PHF2: variants seen among roughly 807,000 people sequenced by gnomAD.
PHF2 encodes the protein PHD finger protein 2.
In PHF2, 27 loss-of-function variants were observed where a neutral mutation model predicts 120.5. The ratio of observed to expected loss-of-function variants is 0.22; its 90% confidence interval spans 0.17 to 0.31. The LOEUF is 0.31. Among genes scored for constraint, PHF2 ranks in the 10% least tolerant of loss-of-function variants. The probability of loss-of-function intolerance (pLI) is 1.00; values close to 1 mark genes in which losing one functional copy is unlikely to be tolerated. For missense variants in PHF2, 1,024 were observed against 1,434.8 expected (o/e 0.71, Z 4.63); for synonymous variants, 568 against 592.5 (o/e 0.96, Z 0.60).
intron 5 of PHF2, among the ~76,000 whole-genome samples, 162 bp downstream of exon 5, chr9:93,649,374 C>CTTTTTTCCT (rs1554797142): frequency 5.8e-4 from 61 of 105,812 alleles, no homozygotes; most frequent in Non-Finnish European, 7.7e-4. Context: ...AAATTTTTTC[C>CTTTTTTCCT]TTTTTTTTTT....
intron 2 of PHF2, among the ~76,000 whole-genome samples, chr9:93,633,239 T>C (rs1029731788): frequency 6.6e-6 from 1 of 152,170 alleles, no homozygotes; most frequent in Admixed American, 6.5e-5. Context: ...CGTTCCAATA[T>C]GTCCCTTGAG....
At chr9:93,582,048 G>T (rs562660145) in intron 1 of PHF2, among the ~76,000 whole-genome samples, 4 of 152,310 alleles carry the variant, frequency 2.6e-5, no homozygotes, top group East Asian at 3.9e-4. Context: ...TGCCATAGGG[G>T]TTTTTCATTC....
intron 1 of PHF2, among the ~76,000 whole-genome samples, chr9:93,614,078 C>T (rs1235575558): frequency 2.0e-5 from 3 of 152,236 alleles, no homozygotes; most frequent in African/African-American, 7.2e-5. Context: ...AGGCTGCCAA[C>T]GGGAGAGGCA....
rs1395879350 is a variant in PHF2 at position 93,650,402 on chromosome 9, TTAC to T, written c.602+1193_602+1195del. ...CCTAACACCCGCATCCCTGGCACAG[TTAC>T]TAACACCTGCACACACCCGTGTAGA... On this transcript the variant is annotated intron_variant, in intron 5 of 21. Coordinates refer to ENST00000359246, the MANE Select transcript of PHF2 (RefSeq NM_005392.4). Among the ~76,000 whole-genome samples the T allele has an allele frequency of 5.9e-5, 9 of 152,046 alleles. No homozygotes were observed. The South Asian group carries it at 1.9e-3, about 32-fold the overall frequency.
At chr9:93,602,931 G>A (rs1215914219) in intron 1 of PHF2, among the ~76,000 whole-genome samples, 1 of 152,138 alleles carries the variant, frequency 6.6e-6, no homozygotes, top group Non-Finnish European at 1.5e-5. Context: ...CCCGAGGCTG[G>A]GAGCCCTACC....
At chr9:93,647,255 C>T (rs988507808) in intron 4 of PHF2, among the ~76,000 whole-genome samples, 1 of 152,188 alleles carries the variant, frequency 6.6e-6, no homozygotes, top group South Asian at 2.1e-4. Context: ...GCTCTTCCCA[C>T]GTAGGAGCTA....
At chr9:93,654,133 T>C (rs1451535232) in intron 6 of PHF2, among the ~76,000 whole-genome samples, 1 of 152,214 alleles carries the variant, frequency 6.6e-6, no homozygotes, top group Non-Finnish European at 1.5e-5. Context: ...TGACAGTCAT[T>C]TGCAGCTTTA....
intron 1 of PHF2, among the ~76,000 whole-genome samples, chr9:93,613,847 T>A (rs1825678697): frequency 6.6e-6 from 1 of 152,206 alleles, no homozygotes; most frequent in South Asian, 2.1e-4. Flanking sequence ...GCACTGAGAT[T>A]ACAGGCATGA....
At chr9:93,580,915 A>G (rs1390821539) in intron 1 of PHF2, among the ~76,000 whole-genome samples, 3 of 152,152 alleles carry the variant, frequency 2.0e-5, no homozygotes, top group Admixed American at 1.3e-4. Context: ...CCCGTGTTGC[A>G]TGTTGCTGTG....
At chr9:93,594,929 T>A (rs766794989) in intron 1 of PHF2, 1 of 154,026 alleles carries the variant, frequency 6.5e-6, no homozygotes, top group Non-Finnish European at 1.5e-5. Context: ...TGTATCTTCA[T>A]TTGAAGAATG....
chr9:93,631,959 TTGC>T lies in PHF2; in HGVS notation c.184+1906_184+1908del, dbSNP rs1269321136. 2.5e-4 allele frequency among the ~76,000 whole-genome samples: 38 copies of T among 152,218 alleles called. No individual in the cohort carries two copies. The East Asian group carries it at 6.0e-3, about 24-fold the overall frequency. On this transcript the variant is annotated intron_variant, in intron 2 of 21. Coordinates refer to ENST00000359246, the MANE Select transcript of PHF2 (RefSeq NM_005392.4). Reference sequence around the variant, plus strand: ...AGTCAGCATACATTTCAAGGGGTCCTTGCTTGGGGGCTCTTGCATGAGTTGGGG... The same window carrying T: ...AGTCAGCATACATTTCAAGGGGTCCTTTGGGGGCTCTTGCATGAGTTGGGG...
intron 12 of PHF2, among the ~76,000 whole-genome samples, chr9:93,662,608 C>T (rs975141551): frequency 2.1e-5 from 3 of 144,750 alleles, no homozygotes; most frequent in East Asian, 2.1e-4. Flanking sequence ...GATGAATGAA[C>T]GAATGGGTGA....
At chr9:93,643,443 A>G (rs1821674894) in intron 3 of PHF2, among the ~76,000 whole-genome samples, 1 of 152,096 alleles carries the variant, frequency 6.6e-6, no homozygotes, top group Admixed American at 6.5e-5. Flanking sequence ...TTGCCTGTAC[A>G]CATTCTTTCT....
rs562593664 is a variant in PHF2 at position 93,660,124 on chromosome 9, G to C, written c.1330-68G>C. On this transcript the variant is annotated intron_variant, in intron 11 of 21. Transcript: ENST00000359246. ...GGCACTGAGTGTCTCCAGCATCCTGGTGTGTGGACCGTCTTGGGCCACAGT... is the reference window on the plus strand; with the variant it reads ...GGCACTGAGTGTCTCCAGCATCCTGCTGTGTGGACCGTCTTGGGCCACAGT... 3 of 1,456,318 alleles carry C rather than the reference G, an allele frequency of 2.1e-6. No homozygotes were observed. The Admixed American group carries it at 8.4e-5, about 41-fold the overall frequency. 90.2% of individuals were successfully genotyped at this position (1,456,318 alleles called of 1,614,324 possible). A position where few individuals can be genotyped will look rare whatever the true frequency, so the allele number is the denominator to read the frequency against.
At chr9:93,673,264 C>T (rs1363227487) in intron 17 of PHF2, among the ~76,000 whole-genome samples, 1 of 151,854 alleles carries the variant, frequency 6.6e-6, no homozygotes, top group Admixed American at 6.6e-5. Context: ...TGTGAGAGAC[C>T]AGTGCGTGAC....
chr9:93,653,419 C>T, intron 6 of PHF2, 54 bp downstream of exon 6: 2 of 1,570,908 alleles, frequency 1.3e-6, no homozygotes, highest in East Asian at 2.2e-5. Flanking sequence ...GACCCATCTG[C>T]AGGATTGTCT....
intron 1 of PHF2, among the ~76,000 whole-genome samples, chr9:93,621,201 GC>G (rs1451364889): frequency 6.6e-6 from 1 of 152,222 alleles, no homozygotes; most frequent in Non-Finnish European, 1.5e-5. Flanking sequence ...AGGAGGGGCA[GC>G]CCAGTGGTCA....
intron 1 of PHF2, among the ~76,000 whole-genome samples, chr9:93,598,714 A>G (rs1246396216): frequency 2.6e-5 from 4 of 151,958 alleles, no homozygotes; most frequent in African/African-American, 7.3e-5. Flanking sequence ...TACTTTGACC[A>G]TTTTTCCTCA....
At position 93,662,983 on chromosome 9, in the gene PHF2, G is replaced by A. The variant is rs752028225; in HGVS notation, c.1775G>A (p.Arg592Gln). Residue 592 changes from arginine (R) to glutamine (Q), a missense_variant, in exon 13 of 22, where the codon CGA becomes CAA. By Grantham distance (43) the Arg-to-Gln change is conservative (BLOSUM62 1). Around this residue, in one of 2 missense-constraint regions of PHF2, gnomAD observed 677 missense variants for 857.4 expected, o/e 0.79. Coordinates refer to ENST00000359246, the MANE Select transcript of PHF2 (RefSeq NM_005392.4). ...AATGATGTGGAGAGGCTGGAAATTC[G>A]AGAGCAAACCAAGAGCAAGTCAGAG... ...MQNDVERLEIREQTKSKSEAK... is the reference protein window; with the variant it reads ...MQNDVERLEIQEQTKSKSEAK... 8.7e-6 allele frequency: 14 copies of A among 1,613,996 alleles called. 1 individual carries two copies. The highest frequency in any genetic ancestry group is 6.7e-5 in the East Asian group (3 of 44,890).
Sources: gnomAD v4.1 joint callset for allele counts (sites outside exome capture counted in the v4.1 genomes callset) on GRCh38, gnomAD v4.1.1 for gene constraint, gnomAD v4.1.1 regional missense constraint, MANE v1.5 for transcripts, NCBI Gene and HGNC (gene_info 2026-07-23, HGNC 2026-07-21) for gene names.